Variants in ACTN1 observed in about 807,000 individuals in gnomAD.
ACTN1 encodes the protein alpha-actinin-1.
In ACTN1, 30 loss-of-function variants were observed where a neutral mutation model predicts 119.6. The observed-to-expected ratio is 0.25, with a 90% CI of 0.19 to 0.34. The LOEUF (loss-of-function observed/expected upper bound fraction) is 0.34, where lower values mean the gene tolerates loss of function less well. Among genes scored for constraint, ACTN1 ranks in the 10% least tolerant of loss-of-function variants. ACTN1 has a pLI of 1.00. For synonymous variants in ACTN1, 429 were observed against 472.6 expected, an observed-to-expected ratio of 0.91 and a Z score of 1.20; for missense variants, 764 against 1,223.4, an observed-to-expected ratio of 0.62 and a Z score of 5.60.
At chr14:68,876,378 C>A (rs916268994) in intron 21 of ACTN1, among the ~76,000 whole-genome samples, 9 of 152,140 alleles carry the variant, frequency 5.9e-5, no homozygotes, top group Admixed American at 5.9e-4. Flanking sequence ...GGCCCCCACC[C>A]CACCCCCACC....
At chr14:68,887,677 T>G (rs1323971762) in intron 11 of ACTN1, 3 of 1,278,702 alleles carry the variant, frequency 2.3e-6, no homozygotes, top group Non-Finnish European at 3.3e-6. Context: ...TAAAAATGTT[T>G]CTAGAGCTAC....
At position 68,878,988 on chromosome 14, in the gene ACTN1, C is replaced by T; in HGVS notation, c.2361+1G>A. The T allele has an allele frequency of 6.2e-7, 1 of 1,613,166 alleles. No individual in the cohort carries two copies. Among genetic ancestry groups the T allele is most frequent in the South Asian group, 1.1e-5 (1 of 91,038 alleles). ...GCGTGCTCCATGCAGGAGGCGAGTA[C>T]CTGGGGGTCGTTGCCAATATCATAA... On this transcript the variant is annotated splice_donor_variant, in intron 19 of 21. Coordinates refer to ENST00000394419, the MANE Select transcript of ACTN1 (RefSeq NM_001130004.2). LOFTEE classifies it high-confidence loss of function. This position sits in a 1 kb window ranked among gnomAD's most constrained non-coding sequence, Gnocchi z 4.4.
In ACTN1 at chr14:68,878,474, G is replaced by A; in HGVS notation, c.2411C>T (p.Ser804Phe). 3 of 1,568,728 alleles carry A rather than the reference G, an allele frequency of 1.9e-6. No homozygotes were observed. Among genetic ancestry groups the A allele is most frequent in the Non-Finnish European group, 2.6e-6 (3 of 1,155,544 alleles). ...TTACGTTACCATGTTGTAACCCATG[G>A]AGATCAGGCAGGCGCGGAAATCATC... ...DTDDFRACLI[S>F]MGYNMGEAEF... Residue 804 changes from serine (S) to phenylalanine (F), a missense_variant, in exon 20 of 22, where the codon TCC (serine) becomes TTC (phenylalanine). By Grantham distance (155) the Ser-to-Phe change is radical. Around this residue, in one of 4 missense-constraint regions of ACTN1, gnomAD observed 544 missense variants for 912.0 expected, o/e 0.60. Coordinates refer to ENST00000394419, the MANE Select transcript of ACTN1 (RefSeq NM_001130004.2). This position sits in a 1 kb window ranked among gnomAD's most constrained non-coding sequence, Gnocchi z 4.4.
intron 2 of ACTN1, among the ~76,000 whole-genome samples, chr14:68,922,678 A>G (rs1033364223): frequency 3.3e-5 from 5 of 152,118 alleles, no homozygotes; most frequent in African/African-American, 1.2e-4. Flanking sequence ...AGAATGGAAA[A>G]AGCTTCCCAG....
chr14:68,967,972 T>C (rs1434004550), intron 1 of ACTN1, among the ~76,000 whole-genome samples: 1 of 152,170 alleles, frequency 6.6e-6, no homozygotes, highest in African/African-American at 2.4e-5. Context: ...TTCACGCACC[T>C]TTTCGTCATG....
In ACTN1 at chr14:68,885,342, G is replaced by T; in HGVS notation, c.1385+83C>A. The T allele has an allele frequency of 6.7e-7, 1 of 1,494,240 alleles. No individual in the cohort carries two copies. The highest frequency in any genetic ancestry group is 8.9e-7 in the Non-Finnish European group (1 of 1,118,678). 92.6% of individuals were successfully genotyped at this position (1,494,240 alleles called of 1,614,324 possible). A position where few individuals can be genotyped will look rare whatever the true frequency, so the allele number is the denominator to read the frequency against. On this transcript the variant is annotated intron_variant, in intron 12 of 21. Coordinates refer to ENST00000394419, the MANE Select transcript of ACTN1 (RefSeq NM_001130004.2). This position sits in a 1 kb window ranked among gnomAD's most constrained non-coding sequence, Gnocchi z 5.6. ...GTACCCACCCTCCCCATCTTCCACG[G>T]CCACACCCCCACCTCCCCCAGCAGC...
At position 68,880,792 on chromosome 14, in the gene ACTN1, A is replaced by C; in HGVS notation, c.2133+18T>G. 1.2e-6 allele frequency: 2 copies of C among 1,611,710 alleles called. No homozygotes were observed. The highest frequency in any genetic ancestry group is 1.7e-6 in the Non-Finnish European group (2 of 1,178,120). Reference sequence around the variant, plus strand: ...GGGCCACGGGCTCCCGAAGAGGAACAAGGCCAGCCCCACCCACCTCCATGG... The same window carrying C: ...GGGCCACGGGCTCCCGAAGAGGAACCAGGCCAGCCCCACCCACCTCCATGG... On this transcript the variant is annotated intron_variant, in intron 17 of 21. Transcript: ENST00000394419. This position sits in a 1 kb window ranked among gnomAD's most constrained non-coding sequence, Gnocchi z 4.6.
chr14:68,969,629 C>A (rs1594885247), intron 1 of ACTN1, among the ~76,000 whole-genome samples: 1 of 152,144 alleles, frequency 6.6e-6, no homozygotes, highest in Non-Finnish European at 1.5e-5. Flanking sequence ...AGACAGGCAC[C>A]CCTGCTCACA....
At chr14:68,978,705 G>A in intron 1 of ACTN1, 1 of 340,736 alleles carries the variant, frequency 2.9e-6, no homozygotes, top group Non-Finnish European at 5.3e-6. Context: ...AAGGAGACCT[G>A]CCCGCCAGCG....
chr14:68,908,953 T>C (rs763460822), intron 6 of ACTN1, among the ~76,000 whole-genome samples: 1 of 152,214 alleles, frequency 6.6e-6, no homozygotes, highest in Non-Finnish European at 1.5e-5. Flanking sequence ...AACTGTCCCT[T>C]AGAATATGCA....
At chr14:68,908,196 G>T (rs2033786132) in intron 6 of ACTN1, among the ~76,000 whole-genome samples, 1 of 151,326 alleles carries the variant, frequency 6.6e-6, no homozygotes, top group Non-Finnish European at 1.5e-5. Flanking sequence ...GGGTGGGGGT[G>T]GGGCGGGGCA....
intron 11 of ACTN1, among the ~76,000 whole-genome samples, chr14:68,888,882 T>G (rs2032246892): frequency 6.6e-6 from 1 of 152,168 alleles, no homozygotes; most frequent in Admixed American, 6.5e-5. Context: ...GGAAAAACTG[T>G]CTTCCACGAA....
chr14:68,954,361 CTT>C (rs993044291), intron 1 of ACTN1, among the ~76,000 whole-genome samples: 3 of 151,992 alleles, frequency 2.0e-5, no homozygotes, highest in African/African-American at 7.3e-5. Context: ...GAGTTTCACT[CTT>C]TTCACCCAAG....
At chr14:68,957,650 G>A (rs973272786) in intron 1 of ACTN1, among the ~76,000 whole-genome samples, 1 of 152,196 alleles carries the variant, frequency 6.6e-6, no homozygotes, top group Non-Finnish European at 1.5e-5. Flanking sequence ...TTAGGTGATG[G>A]TGGAGCTACC....
At chr14:68,901,249 G>GTTTTTTTTTTTTTTTTTTTTT (rs564351239) in intron 8 of ACTN1, among the ~76,000 whole-genome samples, 1 of 103,498 alleles carries the variant, frequency 9.7e-6, no homozygotes, top group Non-Finnish European at 1.9e-5. Flanking sequence ...TTTTTGTTTT[G>GTTTTTTTTTTTTTTTTTTTTT]TTTTTTTTTT....
chr14:68,932,513 C>CTT lies in ACTN1; in HGVS notation c.106-6843_106-6842dup, dbSNP rs753725900. ...AGAGAACCCTGACTAATACACCCAGCTTTTTTTTTTTTTTTTTTTTTTTTT... is the reference window on the plus strand; with the variant it reads ...AGAGAACCCTGACTAATACACCCAGCTTTTTTTTTTTTTTTTTTTTTTTTTTT... On this transcript the variant is annotated intron_variant, in intron 1 of 21. Coordinates refer to ENST00000394419, the MANE Select transcript of ACTN1 (RefSeq NM_001130004.2). 1.6e-3 allele frequency among the ~76,000 whole-genome samples: 140 copies of CTT among 87,286 alleles called. 1 individual carries two copies. The highest frequency in any genetic ancestry group is 3.8e-3 in the African/African-American group (84 of 22,180). 57.3% of individuals were successfully genotyped at this position (87,286 alleles called of 152,430 possible).
chr14:68,911,720 C>T (rs542686788), intron 4 of ACTN1, among the ~76,000 whole-genome samples: 4 of 152,284 alleles, frequency 2.6e-5, no homozygotes, highest in South Asian at 4.1e-4. Context: ...TGGAATCAAG[C>T]GTAGAGATCA....
In ACTN1 at chr14:68,882,376, G is replaced by T; in HGVS notation, c.1953+82C>A. The stretch of plus-strand genomic sequence containing the variant: ...CAGTCCTCCATGGGTCCCACCCAGG[G>T]AGACAGGCAGCCTGGCTGGCTAGGA... On this transcript the variant is annotated intron_variant, in intron 16 of 21. Transcript: ENST00000394419. The surrounding 1 kb of genome is among the most constrained non-coding windows in gnomAD (Gnocchi z 4.5). 3.9e-6 allele frequency: 6 copies of T among 1,555,888 alleles called. No individual in the cohort carries two copies. Among genetic ancestry groups the T allele is most frequent in the Non-Finnish European group, 5.2e-6 (6 of 1,147,270 alleles).
chr14:68,896,974 GTTGTT>G (rs1247247294), intron 8 of ACTN1, among the ~76,000 whole-genome samples: 1 of 152,056 alleles, frequency 6.6e-6, no homozygotes. Context: ...TATTTTCATG[GTTGTT>G]TTGTTTGTTT....
Sources: allele counts gnomAD v4.1 joint callset (sites outside exome capture counted in the v4.1 genomes callset), GRCh38; gene constraint gnomAD v4.1.1; regional missense constraint gnomAD v4.1.1; non-coding constraint Gnocchi (gnomAD v3.1); transcripts MANE v1.5; gene names NCBI Gene and HGNC (gene_info 2026-07-23, HGNC 2026-07-21).